Variants in WWOX observed in about 807,000 individuals in gnomAD.
WWOX encodes the protein WW domain containing oxidoreductase, also known as WW domain-containing oxidoreductase.
Under a neutral mutation model 46.2 loss-of-function variants are expected in WWOX, and 69 were observed. The ratio of observed to expected loss-of-function variants is 1.49; its 90% CI spans 1.23 to 1.82. The LOEUF (loss-of-function observed/expected upper bound fraction) is 1.82, where lower values mean the gene tolerates loss of function less well. WWOX is among the 40% of genes most tolerant of loss of function. WWOX has a pLI of 0.00. For missense variants in WWOX, 919 were observed against 542.6 expected (o/e 1.69, Z -6.89); for synonymous variants, 359 against 202.6 (o/e 1.77, Z -6.56).
At chr16:79,169,841 G>C (rs1429431469) in intron 8 of WWOX, among the ~76,000 whole-genome samples, 3 of 152,184 alleles carry the variant, frequency 2.0e-5, no homozygotes, top group African/African-American at 7.2e-5. Flanking sequence ...AGTCTGGTTT[G>C]AGATTGCTGT....
At chr16:78,411,926 A>G (rs2082690497) in intron 6 of WWOX, among the ~76,000 whole-genome samples, 1 of 152,184 alleles carries the variant, frequency 6.6e-6, no homozygotes, top group African/African-American at 2.4e-5. Context: ...TTCTACTGGA[A>G]ATCTGTTTCC....
At chr16:78,486,786 CTGG>C (rs1425724587) in intron 8 of WWOX, among the ~76,000 whole-genome samples, 1 of 152,158 alleles carries the variant, frequency 6.6e-6, no homozygotes, top group Non-Finnish European at 1.5e-5. Flanking sequence ...CTTGGCCAGG[CTGG>C]TCTTGAACTC....
intron 6 of WWOX, among the ~76,000 whole-genome samples, chr16:78,406,918 G>A (rs1374221871): frequency 6.6e-6 from 1 of 152,186 alleles, no homozygotes; most frequent in African/African-American, 2.4e-5. Context: ...CAGCCACTGT[G>A]CCCGGCCGGA....
chr16:78,691,612 G>A (rs1180232215), intron 8 of WWOX, among the ~76,000 whole-genome samples: 2 of 152,142 alleles, frequency 1.3e-5, no homozygotes, highest in African/African-American at 4.8e-5. Flanking sequence ...GGAGTCTGAG[G>A]CAAGGAAATT....
chr16:78,286,981 T>A (rs955507305), intron 5 of WWOX, among the ~76,000 whole-genome samples: 1 of 152,222 alleles, frequency 6.6e-6, no homozygotes, highest in Non-Finnish European at 1.5e-5. Context: ...CAGCTCCTTG[T>A]CATACTGGGC....
intron 8 of WWOX, among the ~76,000 whole-genome samples, chr16:79,035,602 G>C (rs959906597): frequency 6.6e-6 from 1 of 152,078 alleles, no homozygotes; most frequent in African/African-American, 2.4e-5. Context: ...GTGGTAGGTG[G>C]GATCTTGGCT....
intron 8 of WWOX, among the ~76,000 whole-genome samples, chr16:78,537,145 G>C (rs1027153239): frequency 2.0e-5 from 3 of 152,020 alleles, no homozygotes; most frequent in African/African-American, 7.2e-5. Context: ...TTGAACACCT[G>C]ACCTCAGGTG....
chr16:79,008,871 C>T (rs1388005579), intron 8 of WWOX, among the ~76,000 whole-genome samples: 1 of 136,102 alleles, frequency 7.3e-6, no homozygotes, highest in Admixed American at 7.7e-5. Context: ...TTAATTGGAG[C>T]CACGTGTGTA....
chr16:78,121,751 T>C (rs1336906006), intron 4 of WWOX, among the ~76,000 whole-genome samples: 3 of 151,992 alleles, frequency 2.0e-5, no homozygotes, highest in African/African-American at 7.3e-5. Flanking sequence ...AACCTTTGTC[T>C]CCCAGGGCCT....
intron 8 of WWOX, among the ~76,000 whole-genome samples, chr16:78,993,746 A>C (rs1008457802): frequency 1.1e-4 from 17 of 152,194 alleles, no homozygotes; most frequent in African/African-American, 3.1e-4. Flanking sequence ...TATTTATATA[A>C]CACACTCGCC....
rs149941482 is a variant in WWOX at position 78,413,107 on chromosome 16, C to A, written c.606-11763C>A. ...GCTGGACAGAGCTGATTTATCAAGA[C>A]GGGGGTACTGCAAATAGAGAAAGAA... On this transcript the variant is annotated intron_variant, in intron 6 of 8. Coordinates refer to ENST00000566780, the MANE Select transcript of WWOX (RefSeq NM_016373.4). 4.6e-5 allele frequency among the ~76,000 whole-genome samples: 7 copies of A among 152,168 alleles called. No individual in the cohort carries two copies. In the East Asian group the frequency reaches 7.7e-4, roughly 17 times the overall value.
At chr16:79,091,187 G>A (rs1466787581) in intron 8 of WWOX, among the ~76,000 whole-genome samples, 1 of 152,028 alleles carries the variant, frequency 6.6e-6, no homozygotes, top group Non-Finnish European at 1.5e-5. Flanking sequence ...CCTTCCCCCA[G>A]ACTTTTTCCT....
intron 8 of WWOX, among the ~76,000 whole-genome samples, chr16:78,977,935 C>A (rs1451968226): frequency 1.3e-5 from 2 of 152,026 alleles, no homozygotes; most frequent in African/African-American, 4.8e-5. Flanking sequence ...TCAAAGTAGA[C>A]AGTTCAATAG....
At chr16:79,059,999 C>T (rs1261105980) in intron 8 of WWOX, among the ~76,000 whole-genome samples, 2 of 152,042 alleles carry the variant, frequency 1.3e-5, no homozygotes, top group East Asian at 3.9e-4. Flanking sequence ...GAATAGATTC[C>T]ATTTTATTTT....
intron 8 of WWOX, among the ~76,000 whole-genome samples, chr16:78,860,406 G>C (rs2052688430): frequency 6.6e-6 from 1 of 152,106 alleles, no homozygotes; most frequent in Non-Finnish European, 1.5e-5. Context: ...CCTCACATAA[G>C]ACCTAGTATA....
chr16:78,447,577 C>T (rs2083590874), intron 8 of WWOX, among the ~76,000 whole-genome samples: 1 of 152,134 alleles, frequency 6.6e-6, no homozygotes, highest in African/African-American at 2.4e-5. Context: ...GCATGCCTCC[C>T]CTTAGACTCC....
chr16:78,773,703 G>A (rs1305217134), intron 8 of WWOX, among the ~76,000 whole-genome samples: 1 of 152,184 alleles, frequency 6.6e-6, no homozygotes, highest in East Asian at 1.9e-4. Flanking sequence ...TGGAGTTGAA[G>A]TCTGAACAAA....
intron 8 of WWOX, among the ~76,000 whole-genome samples, chr16:78,905,771 T>C (rs997764540): frequency 2.6e-5 from 4 of 152,200 alleles, no homozygotes; most frequent in Admixed American, 2.0e-4. Flanking sequence ...ATCCTATTTA[T>C]ACAATGTAGT....
At chr16:78,768,716 C>A (rs758937955) in intron 8 of WWOX, among the ~76,000 whole-genome samples, 1 of 152,024 alleles carries the variant, frequency 6.6e-6, no homozygotes, top group Non-Finnish European at 1.5e-5. Context: ...AATTGCCCAG[C>A]GTTTTAATTA....
Sources: allele counts gnomAD v4.1 joint callset (sites outside exome capture counted in the v4.1 genomes callset), GRCh38; gene constraint gnomAD v4.1.1; transcripts MANE v1.5; gene names NCBI Gene and HGNC (gene_info 2026-07-23, HGNC 2026-07-21).